The following FAM216A variants were observed in gnomAD, a reference collection of about 807,000 sequenced individuals.
FAM216A encodes protein FAM216A.
Under a neutral mutation model 37.6 loss-of-function variants are expected in FAM216A, and 26 were observed. The observed-to-expected ratio is 0.69, with a 90% CI of 0.51 to 0.96. FAM216A has a LOEUF of 0.96. Ranked by LOEUF, FAM216A falls within the 40% of genes least tolerant of loss-of-function variation. The pLI is 0.00. For missense variants in FAM216A, 326 were observed against 339.3 expected (o/e 0.96, Z 0.31); for synonymous variants, 110 against 121.7 (o/e 0.90, Z 0.64).
rs1240022952 is a variant in FAM216A at position 110,468,881 on chromosome 12, G to A, written c.6G>A (p.Leu2=). The A allele has an allele frequency of 1.3e-6, 2 of 1,511,338 alleles. No individual in the cohort carries two copies. The highest frequency in any genetic ancestry group is 1.8e-6 in the Non-Finnish European group (2 of 1,132,096). The allele number at this position is 1,511,338 out of a possible 1,614,324, so 93.6% of individuals were successfully genotyped here. Residue 2 remains leucine (L), a synonymous_variant, in exon 1 of 7, where the codon CTG becomes CTA. Transcript: ENST00000377673. M[L]GQLLPHTARG... is the part of the protein sequence containing the mutation. Reference sequence around the variant, plus strand: ...CGCGTGCTGTCGGGGGAGGGATGCTGGGACAGCTGCTCCCGCACACGGCTC... The same window carrying A: ...CGCGTGCTGTCGGGGGAGGGATGCTAGGACAGCTGCTCCCGCACACGGCTC...
At chr12:110,469,519 T>A (rs2062667278) in intron 1 of FAM216A, among the ~76,000 whole-genome samples, 1 of 152,040 alleles carries the variant, frequency 6.6e-6, no homozygotes, top group Non-Finnish European at 1.5e-5. Flanking sequence ...TCTTTCTTGT[T>A]TTTTGAGAGC....
chr12:110,468,868 G>A lies in FAM216A; in HGVS notation c.-8G>A, dbSNP rs1203151472. 2.0e-6 allele frequency: 3 copies of A among 1,501,760 alleles called. No individual in the cohort carries two copies. Among genetic ancestry groups the A allele is most frequent in the Non-Finnish European group, 2.7e-6 (3 of 1,127,096 alleles). 93.0% of individuals were successfully genotyped at this position (1,501,760 alleles called of 1,614,324 possible). A position where few individuals can be genotyped will look rare whatever the true frequency, so the allele number is the denominator to read the frequency against. Reference sequence around the variant, plus strand: ...GCAGCCTGACGCACGCGTGCTGTCGGGGGAGGGATGCTGGGACAGCTGCTC... The same window carrying A: ...GCAGCCTGACGCACGCGTGCTGTCGAGGGAGGGATGCTGGGACAGCTGCTC... On this transcript the variant is annotated 5_prime_UTR_variant, in exon 1 of 7. Transcript: ENST00000377673.
At position 110,487,929 on chromosome 12, in the gene FAM216A, T is replaced by A; in HGVS notation, c.689T>A (p.Leu230Gln). The A allele has an allele frequency of 1.3e-6, 2 of 1,599,288 alleles. No individual in the cohort carries two copies. Among genetic ancestry groups the A allele is most frequent in the Non-Finnish European group, 1.7e-6 (2 of 1,168,918 alleles). ...SLKIFRRPRK[L>Q]FMQTVSSDDS... ...AAGATTTTTAGAAGACCAAGGAAAC[T>A]GTTCATGCAAACAGGTAAATGTGGA... is the stretch of plus-strand genomic sequence containing the variant. The change falls in exon 6 of 7, where the codon CTG (leucine) becomes CAG (glutamine). Residue 230 changes from leucine (L) to glutamine (Q), a missense_variant. Physicochemically the swap from Leu to Gln is moderately radical, Grantham distance 113. Coordinates refer to ENST00000377673, the MANE Select transcript of FAM216A (RefSeq NM_013300.3).
At chr12:110,488,098 G>A (rs115149066) in intron 6 of FAM216A, among the ~76,000 whole-genome samples, 155 bp downstream of exon 6, 349 of 152,152 alleles carry the variant, frequency 2.3e-3, no homozygotes, top group African/African-American at 7.8e-3. Flanking sequence ...ATAAAATATA[G>A]TTTATGCTTG....
chr12:110,478,020 C>G (rs905371050), intron 2 of FAM216A, among the ~76,000 whole-genome samples: 2 of 152,112 alleles, frequency 1.3e-5, no homozygotes, highest in African/African-American at 2.4e-5. Context: ...TGGACTTTTT[C>G]TAATTCCATC....
rs140334384 is a variant in FAM216A at position 110,480,266 on chromosome 12, C to T, written c.185-4812C>T. Among the ~76,000 whole-genome samples, 490 of 137,490 alleles carry T rather than the reference C, an allele frequency of 3.6e-3. 1 individual carries two copies. Among genetic ancestry groups the T allele is most frequent in the Middle Eastern group, 9.6e-3 (2 of 208 alleles). The allele number at this position is 137,490 out of a possible 152,430, so 90.2% of individuals were successfully genotyped here. Reference sequence around the variant, plus strand: ...TTGCCCAGTCCGGAGTGCAGTGGCACGATCTTGGCTCACTGCAAGCTCCAC... The same window carrying T: ...TTGCCCAGTCCGGAGTGCAGTGGCATGATCTTGGCTCACTGCAAGCTCCAC... On this transcript the variant is annotated intron_variant, in intron 2 of 6. Transcript: ENST00000377673.
At position 110,468,896 on chromosome 12, in the gene FAM216A, G is replaced by T. The variant is rs2062658901; in HGVS notation, c.21G>T (p.Pro7=). Residue 7 remains proline, a synonymous_variant, in exon 1 of 7, where the codon CCG becomes CCT. Transcript: ENST00000377673. ...GAGGGATGCTGGGACAGCTGCTCCC[G>T]CACACGGCTCGCGGTCTCGGCGCCG... MLGQLL[P]HTARGLGAAE... The T allele has an allele frequency of 1.3e-6, 2 of 1,518,000 alleles. No homozygotes were observed. The highest frequency in any genetic ancestry group is 1.4e-5 in the African/African-American group (1 of 72,494). The allele number at this position is 1,518,000 out of a possible 1,614,324, so 94.0% of individuals were successfully genotyped here. A position where few individuals can be genotyped will look rare whatever the true frequency, so the allele number is the denominator to read the frequency against.
Position 110,486,741 on chromosome 12 carries a change from G to A in FAM216A, c.620+24G>A, listed in dbSNP as rs2062779278. The A allele has an allele frequency of 4.4e-6, 7 of 1,584,718 alleles. No individual in the cohort carries two copies. In the East Asian group the frequency reaches 1.6e-4, roughly 35 times the overall value. On this transcript the variant is annotated intron_variant, in intron 5 of 6. Transcript: ENST00000377673. Reference sequence around the variant, plus strand: ...GGGTCTGTTTCTTAGTGTAAAAGGGGGGAAATGCATCTCAGTTTAATTTTT... The same window carrying A: ...GGGTCTGTTTCTTAGTGTAAAAGGGAGGAAATGCATCTCAGTTTAATTTTT...
intron 2 of FAM216A, among the ~76,000 whole-genome samples, chr12:110,476,604 G>A (rs1351819723): frequency 2.0e-5 from 3 of 151,986 alleles, no homozygotes; most frequent in African/African-American, 4.8e-5. Flanking sequence ...TTGGCTCACC[G>A]CAACCTCTGC....
Position 110,484,756 on chromosome 12 carries a change from C to CTTT in FAM216A, c.185-310_185-308dup, listed in dbSNP as rs778085355. Among the ~76,000 whole-genome samples, 14 of 143,740 alleles carry CTTT rather than the reference C, an allele frequency of 9.7e-5. No individual in the cohort carries two copies. The South Asian group carries it at 1.8e-3, about 18-fold the overall frequency. 94.3% of individuals were successfully genotyped at this position (143,740 alleles called of 152,430 possible). The stretch of plus-strand genomic sequence containing the variant: ...CACTGACACATGTAAATATCTAGAT[C>CTTT]TTTTTTTTTTTTTTAAGACGGAGTC... On this transcript the variant is annotated intron_variant, in intron 2 of 6. Transcript: ENST00000377673.
At chr12:110,482,664 G>A (rs1419198676) in intron 2 of FAM216A, among the ~76,000 whole-genome samples, 2 of 150,986 alleles carry the variant, frequency 1.3e-5, no homozygotes, top group Non-Finnish European at 3.0e-5. Context: ...GCGCAGTGGC[G>A]GGCGCCTGTA....
At position 110,486,574 on chromosome 12, in the gene FAM216A, C is replaced by T. The variant is rs1223134520; in HGVS notation, c.477C>T (p.Tyr159=). ...ACAGAAGCCGCCTTAGCTCCCGTTA[C>T]TCACAGAAACAGCATTACCCTTGCA... The part of the protein sequence containing the change: ...THHRSRLSSR[Y]SQKQHYPCTT... Residue 159 remains tyrosine, a synonymous_variant, in exon 5 of 7, where the codon TAC becomes TAT. Transcript: ENST00000377673. 3 of 1,613,946 alleles carry T rather than the reference C, an allele frequency of 1.9e-6. No individual in the cohort carries two copies. The highest frequency in any genetic ancestry group is 2.7e-5 in the African/African-American group (2 of 74,896).
chr12:110,481,617 C>A (rs1565852284), intron 2 of FAM216A, among the ~76,000 whole-genome samples: 1 of 152,184 alleles, frequency 6.6e-6, no homozygotes, highest in East Asian at 1.9e-4. Context: ...CCTGCCTCAG[C>A]CTCCCAAGGT....
intron 2 of FAM216A, among the ~76,000 whole-genome samples, chr12:110,478,026 C>T (rs1002834681): frequency 6.6e-6 from 1 of 152,070 alleles, no homozygotes; most frequent in Non-Finnish European, 1.5e-5. Context: ...TTTTCTAATT[C>T]CATCATTGAT....
chr12:110,470,563 C>T (rs930095362), intron 1 of FAM216A, among the ~76,000 whole-genome samples: 6 of 151,580 alleles, frequency 4.0e-5, no homozygotes, highest in South Asian at 4.2e-4. Context: ...CTGCAACCTC[C>T]GCCTCCTGTG....
At chr12:110,470,825 A>T (rs552032577) in intron 1 of FAM216A, among the ~76,000 whole-genome samples, 4 of 151,416 alleles carry the variant, frequency 2.6e-5, no homozygotes, top group African/African-American at 7.3e-5. Flanking sequence ...AACTACAATT[A>T]AAAAAAAAGA....
Position 110,487,906 on chromosome 12 carries a change from G to C in FAM216A, c.666G>C (p.Lys222Asn). 4 of 1,607,270 alleles carry C rather than the reference G, an allele frequency of 2.5e-6. No individual in the cohort carries two copies. Among genetic ancestry groups the C allele is most frequent in the Non-Finnish European group, 2.6e-6 (3 of 1,175,724 alleles). Residue 222 changes from lysine to asparagine, a missense_variant, in exon 6 of 7, where the codon AAG becomes AAC. Physicochemically the swap from Lys to Asn is moderately conservative, Grantham distance 94. Transcript: ENST00000377673. Reference protein sequence around the residue: ...YASKTRCKSLKIFRRPRKLFM... With the variant: ...YASKTRCKSLNIFRRPRKLFM... Reference sequence around the variant, plus strand: ...CTAAAACAAGATGTAAGTCACTGAAGATTTTTAGAAGACCAAGGAAACTGT... The same window carrying C: ...CTAAAACAAGATGTAAGTCACTGAACATTTTTAGAAGACCAAGGAAACTGT...
At chr12:110,476,014 A>C (rs1230058980) in intron 2 of FAM216A, among the ~76,000 whole-genome samples, 1 of 152,198 alleles carries the variant, frequency 6.6e-6, no homozygotes, top group African/African-American at 2.4e-5. Flanking sequence ...CTGGGATTAC[A>C]GGCGTGAGCC....
At chr12:110,486,485 G>C (rs1455162866) in intron 4 of FAM216A, 31 bp downstream of exon 4, 4 of 1,607,562 alleles carry the variant, frequency 2.5e-6, no homozygotes, top group Middle Eastern at 1.7e-4. Flanking sequence ...CTTTTCACTA[G>C]TTTTTACAAT....
Sources: gnomAD v4.1 joint callset for allele counts (sites outside exome capture counted in the v4.1 genomes callset) on GRCh38, gnomAD v4.1.1 for gene constraint, MANE v1.5 for transcripts, NCBI Gene and HGNC (gene_info 2026-07-23, HGNC 2026-07-21) for gene names.